Variants in CDH13 observed in about 807,000 individuals in gnomAD.
CDH13 encodes cadherin 13, also known as cadherin-13.
In CDH13, 24 loss-of-function variants were observed where a neutral mutation model predicts 63.8. That is an observed-to-expected ratio of 0.38 (90% CI 0.27 to 0.53). The LOEUF is 0.53. CDH13 is among the 20% of genes least tolerant of loss of function. The probability of loss-of-function intolerance (pLI) is 0.85; values close to 1 mark genes in which losing one functional copy is unlikely to be tolerated. For missense variants in CDH13, 1,049 were observed against 903.1 expected (o/e 1.16, Z -2.07); for synonymous variants, 503 against 355.3 (o/e 1.42, Z -4.67).
At chr16:83,391,544 A>G (rs1260619511) in intron 6 of CDH13, among the ~76,000 whole-genome samples, 3 of 152,190 alleles carry the variant, frequency 2.0e-5, no homozygotes, top group African/African-American at 4.8e-5. Flanking sequence ...CAATTATACT[A>G]TAAAGGAACA....
intron 1 of CDH13, among the ~76,000 whole-genome samples, chr16:82,753,467 G>C (rs1403565692): frequency 6.6e-6 from 1 of 152,046 alleles, no homozygotes. Flanking sequence ...TCTAAGAAAT[G>C]GGCACATTTC....
chr16:83,063,681 C>T (rs1456978256), intron 3 of CDH13, among the ~76,000 whole-genome samples: 1 of 152,166 alleles, frequency 6.6e-6, no homozygotes, highest in Non-Finnish European at 1.5e-5. Flanking sequence ...TTAGCACAAA[C>T]TTTGTGGCTT....
At chr16:82,627,378 G>GTGTGTGTGTGTGTGTA (rs1279462612) in intron 1 of CDH13, among the ~76,000 whole-genome samples, 2 of 140,344 alleles carry the variant, frequency 1.4e-5, no homozygotes, top group Non-Finnish European at 3.1e-5. Flanking sequence ...GTGTGTGTGT[G>GTGTGTGTGTGTGTGTA]TGTACGTTCG....
chr16:83,016,656 G>A (rs1914828367), intron 2 of CDH13, among the ~76,000 whole-genome samples: 1 of 152,032 alleles, frequency 6.6e-6, no homozygotes, highest in African/African-American at 2.4e-5. Flanking sequence ...ATCCATTGTT[G>A]CCTTAGATGG....
chr16:83,142,277 C>T (rs2036568487), intron 4 of CDH13, among the ~76,000 whole-genome samples: 1 of 150,676 alleles, frequency 6.6e-6, no homozygotes, highest in African/African-American at 2.4e-5. Flanking sequence ...TCTCCTGTCT[C>T]AGCCTCCTGA....
chr16:82,891,369 G>T (rs919907975), intron 2 of CDH13, among the ~76,000 whole-genome samples: 1 of 152,130 alleles, frequency 6.6e-6, no homozygotes, highest in African/African-American at 2.4e-5. Context: ...TTAAATTTCT[G>T]TTCTGGAGTT....
At chr16:82,865,687 C>T (rs1257028424) in intron 2 of CDH13, among the ~76,000 whole-genome samples, 2 of 152,222 alleles carry the variant, frequency 1.3e-5, no homozygotes, top group East Asian at 3.9e-4. Flanking sequence ...CTGAGATGCC[C>T]TGGAGACATC....
rs370999819 is a variant in CDH13, at chr16:83,492,558, T to G, written c.960+5903T>G. ...AAAAAGTAGATGTAAATAAATTGCC[T>G]TATTATTTTTAAAATAATGCATTAT... On this transcript the variant is annotated intron_variant, in intron 7 of 13. Coordinates refer to ENST00000567109, the MANE Select transcript of CDH13 (RefSeq NM_001257.5). Among the ~76,000 whole-genome samples the G allele has an allele frequency of 1.5e-4, 23 of 152,350 alleles. No homozygotes were observed. In the East Asian group the frequency reaches 3.5e-3, roughly 23 times the overall value.
chr16:83,535,714 AT>A (rs554649679), intron 7 of CDH13, among the ~76,000 whole-genome samples: 1 of 151,958 alleles, frequency 6.6e-6, no homozygotes. Flanking sequence ...GATAATGTTC[AT>A]TTTTTTTGGA....
At chr16:82,923,844 G>C (rs1202593929) in intron 2 of CDH13, among the ~76,000 whole-genome samples, 1 of 152,130 alleles carries the variant, frequency 6.6e-6, no homozygotes, top group African/African-American at 2.4e-5. Context: ...TGTAATTTAA[G>C]ATAAAGAGAA....
chr16:83,436,691 T>A (rs1221451117), intron 6 of CDH13, among the ~76,000 whole-genome samples: 1 of 152,228 alleles, frequency 6.6e-6, no homozygotes, highest in Admixed American at 6.5e-5. Context: ...ATGTTCCATG[T>A]GTAATCCCAG....
intron 7 of CDH13, among the ~76,000 whole-genome samples, chr16:83,552,810 A>G (rs1252504931): frequency 3.9e-5 from 6 of 152,274 alleles, no homozygotes; most frequent in African/African-American, 1.2e-4. Flanking sequence ...GGCTGGGCGC[A>G]GTGGCTCACA....
intron 11 of CDH13, among the ~76,000 whole-genome samples, chr16:83,769,753 C>A (rs1349837098): frequency 6.6e-6 from 1 of 152,150 alleles, no homozygotes; most frequent in Non-Finnish European, 1.5e-5. Flanking sequence ...TGCAAATTGA[C>A]TGTCAATTCT....
chr16:83,220,591 C>T (rs2039667504), intron 5 of CDH13, among the ~76,000 whole-genome samples: 1 of 138,954 alleles, frequency 7.2e-6, no homozygotes, highest in African/African-American at 2.7e-5. Flanking sequence ...TACCATAGAA[C>T]TTAAAGTGTA....
chr16:82,713,236 A>G (rs2032093246), intron 1 of CDH13, among the ~76,000 whole-genome samples: 1 of 152,124 alleles, frequency 6.6e-6, no homozygotes, highest in Non-Finnish European at 1.5e-5. Flanking sequence ...AAGACCTATC[A>G]AAGCAGGGTT....
intron 2 of CDH13, among the ~76,000 whole-genome samples, chr16:82,886,829 A>C (rs1160972191): frequency 1.3e-5 from 2 of 151,968 alleles, no homozygotes; most frequent in Non-Finnish European, 2.9e-5. Flanking sequence ...TTACTTCCCT[A>C]CCTTTGAGTG....
In CDH13 at chr16:83,009,610, C is replaced by A. The variant is rs1049090688; in HGVS notation, c.158-22400C>A. Among the ~76,000 whole-genome samples the A allele has an allele frequency of 2.6e-5, 4 of 152,228 alleles. 1 individual carries two copies. In the South Asian group the frequency reaches 6.2e-4, roughly 24 times the overall value. On this transcript the variant is annotated intron_variant, in intron 2 of 13. Coordinates refer to ENST00000567109, the MANE Select transcript of CDH13 (RefSeq NM_001257.5). ...ATCTGAACCCAGGACCACTCTGACT[C>A]CAAAGCCAATATTCTCTCTGCATAT... is the stretch of plus-strand genomic sequence containing the variant.
At chr16:83,503,223 C>A (rs913302926) in intron 7 of CDH13, among the ~76,000 whole-genome samples, 1 of 152,168 alleles carries the variant, frequency 6.6e-6, no homozygotes, top group Non-Finnish European at 1.5e-5. Flanking sequence ...TGAATTGTAC[C>A]CTTTTTTCCC....
intron 7 of CDH13, among the ~76,000 whole-genome samples, chr16:83,596,802 G>T (rs1907302740): frequency 6.6e-6 from 1 of 152,284 alleles, no homozygotes; most frequent in South Asian, 2.1e-4. Flanking sequence ...TCCAAAGGAG[G>T]TTACTTTCAT....
Sources: allele counts gnomAD v4.1 joint callset (sites outside exome capture counted in the v4.1 genomes callset), GRCh38; gene constraint gnomAD v4.1.1; transcripts MANE v1.5; gene names NCBI Gene and HGNC (gene_info 2026-07-23, HGNC 2026-07-21).